KIF16B: variants seen among roughly 807,000 people sequenced by gnomAD.
The protein encoded by KIF16B is kinesin family member 16B, also known as kinesin-like protein KIF16B.
A neutral mutation model predicts 156.3 loss-of-function variants in KIF16B; 98 were observed. The ratio of observed to expected loss-of-function variants is 0.63; its 90% confidence interval spans 0.53 to 0.74. The LOEUF (loss-of-function observed/expected upper bound fraction) is 0.74, where lower values mean the gene tolerates loss of function less well. Among genes scored for constraint, KIF16B ranks in the 30% least tolerant of loss-of-function variants. KIF16B has a pLI of 0.00. For missense variants in KIF16B, 1,421 were observed against 1,606.5 expected, an observed-to-expected ratio of 0.88 and a Z score of 1.97; for synonymous variants, 564 against 583.7, an observed-to-expected ratio of 0.97 and a Z score of 0.49.
At chr20:16,527,523 G>A (rs1156853695) in intron 2 of KIF16B, among the ~76,000 whole-genome samples, 1 of 152,178 alleles carries the variant, frequency 6.6e-6, no homozygotes, top group African/African-American at 2.4e-5. Context: ...AAATATCAAA[G>A]GAGAAAGGCA....
At chr20:16,438,679 C>T (rs2066713220) in intron 12 of KIF16B, among the ~76,000 whole-genome samples, 1 of 152,132 alleles carries the variant, frequency 6.6e-6, no homozygotes. Flanking sequence ...CAACCACCAT[C>T]CTGCCTTTCT....
intron 25 of KIF16B, among the ~76,000 whole-genome samples, chr20:16,284,071 G>A (rs993734865): frequency 2.0e-4 from 31 of 152,214 alleles, no homozygotes; most frequent in African/African-American, 4.6e-4. Flanking sequence ...CCTGGCAAGC[G>A]GAGCTGGGGA....
At chr20:16,394,876 T>C (rs2065454058) in intron 17 of KIF16B, among the ~76,000 whole-genome samples, 1 of 152,124 alleles carries the variant, frequency 6.6e-6, no homozygotes, top group Admixed American at 6.5e-5. Context: ...TTGTTGAGAA[T>C]ATCTCCAGCT....
At chr20:16,476,796 G>A (rs966772253) in intron 12 of KIF16B, among the ~76,000 whole-genome samples, 7 of 152,088 alleles carry the variant, frequency 4.6e-5, no homozygotes, top group Non-Finnish European at 1.0e-4. Context: ...GTCTCGCTCT[G>A]TCGCCAGGCT....
At chr20:16,522,855 A>G (rs959547201) in intron 3 of KIF16B, among the ~76,000 whole-genome samples, 5 of 152,194 alleles carry the variant, frequency 3.3e-5, no homozygotes, top group African/African-American at 1.2e-4. Context: ...AGAAGTCAGG[A>G]TTGAGAAATT....
At chr20:16,392,531 A>G (rs1219464430) in intron 17 of KIF16B, among the ~76,000 whole-genome samples, 1 of 152,220 alleles carries the variant, frequency 6.6e-6, no homozygotes, top group East Asian at 1.9e-4. Context: ...TGCCATGACG[A>G]TACACTGTTG....
At chr20:16,461,982 C>A (rs972016971) in intron 12 of KIF16B, among the ~76,000 whole-genome samples, 4 of 152,192 alleles carry the variant, frequency 2.6e-5, no homozygotes, top group African/African-American at 9.7e-5. Flanking sequence ...GGCATGGTAG[C>A]TCACATCTGT....
At chr20:16,400,656 G>A (rs528059656) in intron 17 of KIF16B, among the ~76,000 whole-genome samples, 2 of 152,178 alleles carry the variant, frequency 1.3e-5, no homozygotes, top group South Asian at 2.1e-4. Context: ...TGGTATATCC[G>A]TAAAATGGAA....
chr20:16,410,078 T>TATATATGTAGGTAC (rs2065900250), intron 15 of KIF16B, among the ~76,000 whole-genome samples: 1 of 125,354 alleles, frequency 8.0e-6, no homozygotes, highest in African/African-American at 3.0e-5. Flanking sequence ...TAGGTACATA[T>TATATATGTAGGTAC]ATATATATGT....
Position 16,327,013 on chromosome 20 carries a change from ATGTG to A in KIF16B, c.3711+8909_3711+8912del, listed in dbSNP as rs566936326. Among the ~76,000 whole-genome samples, 224 of 148,876 alleles carry A rather than the reference ATGTG, an allele frequency of 1.5e-3. 1 individual carries two copies. Among genetic ancestry groups the A allele is most frequent in the African/African-American group, 5.4e-3 (220 of 40,390 alleles). On this transcript the variant is annotated intron_variant, in intron 24 of 25. Transcript: ENST00000354981. The stretch of plus-strand genomic sequence containing the variant: ...TGTGTATGTGTATGTGTATGCATAT[ATGTG>A]TGTGTATATATATACACACACACAT...
At chr20:16,297,488 C>G (rs759091179) in intron 25 of KIF16B, among the ~76,000 whole-genome samples, 5 of 151,998 alleles carry the variant, frequency 3.3e-5, no homozygotes, top group Non-Finnish European at 7.4e-5. Flanking sequence ...GTCAGGAGAT[C>G]AAGACCATTC....
At chr20:16,499,862 A>AT (rs1482915018) in intron 10 of KIF16B, among the ~76,000 whole-genome samples, 6 of 152,204 alleles carry the variant, frequency 3.9e-5, no homozygotes, top group African/African-American at 4.8e-5. Context: ...TAAAAGTACC[A>AT]TTTTCAATTA....
chr20:16,462,198 G>A lies in KIF16B; in HGVS notation c.1302+32093C>T, dbSNP rs1025173161. Among the ~76,000 whole-genome samples, 5 of 151,852 alleles carry A rather than the reference G, an allele frequency of 3.3e-5. No homozygotes were observed. In the East Asian group the frequency reaches 5.8e-4, roughly 18 times the overall value. ...GGAGGTTGCAGTGAGCCAAGATTGT[G>A]CCATTGCACTCCAGCCTGGGCGGCA... On this transcript the variant is annotated intron_variant, in intron 12 of 25. Transcript: ENST00000354981.
At chr20:16,467,733 G>A (rs750164767) in intron 12 of KIF16B, among the ~76,000 whole-genome samples, 5 of 150,170 alleles carry the variant, frequency 3.3e-5, no homozygotes, top group East Asian at 3.9e-4. Flanking sequence ...AAAAAAACCC[G>A]GCCAACCTAA....
intron 12 of KIF16B, among the ~76,000 whole-genome samples, chr20:16,447,234 T>C (rs1219513481): frequency 6.6e-6 from 1 of 152,056 alleles, no homozygotes; most frequent in Non-Finnish European, 1.5e-5. Flanking sequence ...CTAAAAACTC[T>C]ACTCTTAAGT....
At chr20:16,289,828 C>T (rs989012501) in intron 25 of KIF16B, among the ~76,000 whole-genome samples, 3 of 152,112 alleles carry the variant, frequency 2.0e-5, no homozygotes, top group Non-Finnish European at 2.9e-5. Flanking sequence ...GTGACAGAGC[C>T]AGACTCCGTC....
At chr20:16,332,964 C>T (rs548466007) in intron 24 of KIF16B, among the ~76,000 whole-genome samples, 4 of 152,238 alleles carry the variant, frequency 2.6e-5, no homozygotes, top group South Asian at 2.1e-4. Context: ...CATCCATACT[C>T]GGTATGGCCA....
intron 17 of KIF16B, among the ~76,000 whole-genome samples, chr20:16,401,597 A>G (rs192040285): frequency 3.9e-5 from 6 of 152,364 alleles, no homozygotes; most frequent in Admixed American, 2.0e-4. Context: ...ACAGAAAAGA[A>G]TAACACAAGG....
At position 16,428,121 on chromosome 20, in the gene KIF16B, G is replaced by A. The variant is rs144545057; in HGVS notation, c.1474+832C>T. Among the ~76,000 whole-genome samples, 83 of 152,156 alleles carry A rather than the reference G, an allele frequency of 5.5e-4. No individual in the cohort carries two copies. In the East Asian group the frequency reaches 0.014, roughly 26 times the overall value. ...TCTACCCAAACATAGGTGAATCTGG[G>A]GACTTCTAGAAAATGGTTTTTATCT... On this transcript the variant is annotated intron_variant, in intron 14 of 25. Transcript: ENST00000354981.
Sources: gnomAD v4.1 joint callset for allele counts (sites outside exome capture counted in the v4.1 genomes callset) on GRCh38, gnomAD v4.1.1 for gene constraint, MANE v1.5 for transcripts, NCBI Gene and HGNC (gene_info 2026-07-23, HGNC 2026-07-21) for gene names.